Variants in CLSTN2 observed in about 807,000 individuals in gnomAD.
CLSTN2 encodes the protein calsyntenin 2.
CLSTN2 carries 48 observed loss-of-function variants against 101.2 expected under a neutral mutation model. The observed-to-expected ratio is 0.47, with a 90% CI of 0.38 to 0.60. The LOEUF is 0.60. Ranked by LOEUF, CLSTN2 falls within the 20% of genes least tolerant of loss-of-function variation. CLSTN2 has a pLI of 0.00. For synonymous variants in CLSTN2, 481 were observed against 463.6 expected, an observed-to-expected ratio of 1.04 and a Z score of -0.48; for missense variants, 1,160 against 1,238.2, an observed-to-expected ratio of 0.94 and a Z score of 0.95.
At chr3:140,177,322 G>T (rs537935816) in intron 2 of CLSTN2, among the ~76,000 whole-genome samples, 5 of 152,280 alleles carry the variant, frequency 3.3e-5, no homozygotes, top group African/African-American at 1.2e-4. Flanking sequence ...AAAAGATGAA[G>T]TATCTTCCCT....
At chr3:140,527,527 A>G (rs1271551866) in intron 8 of CLSTN2, among the ~76,000 whole-genome samples, 1 of 152,208 alleles carries the variant, frequency 6.6e-6, no homozygotes, top group African/African-American at 2.4e-5. Context: ...TTCTCAAGGA[A>G]CTTAAAACAG....
At chr3:140,441,755 C>A (rs780640138) in intron 5 of CLSTN2, among the ~76,000 whole-genome samples, 35 of 152,172 alleles carry the variant, frequency 2.3e-4, no homozygotes, top group Admixed American at 1.3e-4. Context: ...CACTCCCTTC[C>A]GCAAAGGCCT....
At chr3:140,110,043 C>A (rs929677284) in intron 1 of CLSTN2, among the ~76,000 whole-genome samples, 5 of 152,118 alleles carry the variant, frequency 3.3e-5, no homozygotes, top group African/African-American at 1.2e-4. Context: ...CAATTTTATG[C>A]CAGGTTTTGC....
intron 10 of CLSTN2, among the ~76,000 whole-genome samples, chr3:140,554,326 G>C (rs1935759390): frequency 6.6e-6 from 1 of 152,112 alleles, no homozygotes; most frequent in South Asian, 2.1e-4. Context: ...TTTCAGTCCA[G>C]ACACAGAACA....
chr3:140,182,309 AAAAGT>A (rs1023414188), intron 2 of CLSTN2, among the ~76,000 whole-genome samples: 3 of 152,098 alleles, frequency 2.0e-5, no homozygotes, highest in Non-Finnish European at 4.4e-5. Flanking sequence ...AAATTAAAAA[AAAAGT>A]AAACTAATAT....
rs1222538188 is a variant in CLSTN2, at chr3:140,419,744, TATATACAC to T, written c.638-1374_638-1367del. On this transcript the variant is annotated intron_variant, in intron 4 of 16. Coordinates refer to ENST00000458420, the MANE Select transcript of CLSTN2 (RefSeq NM_022131.3). The stretch of plus-strand genomic sequence containing the variant: ...ATACGTATATACATGTATATACGTA[TATATACAC>T]ATATACGTGTATACACGTGTATACA... Among the ~76,000 whole-genome samples, 35 of 66,458 alleles carry T rather than the reference TATATACAC, an allele frequency of 5.3e-4. 13 individuals carry two copies. Among genetic ancestry groups the T allele is most frequent in the African/African-American group, 4.8e-3 (29 of 6,088 alleles). 43.6% of individuals were successfully genotyped at this position (66,458 alleles called of 152,430 possible). A position where few individuals can be genotyped will look rare whatever the true frequency, so the allele number is the denominator to read the frequency against.
chr3:140,171,831 AACAATATATAATATAATAT>A (rs1280658232), intron 1 of CLSTN2, among the ~76,000 whole-genome samples: 7 of 74,608 alleles, frequency 9.4e-5, no homozygotes, highest in Non-Finnish European at 1.7e-4. Flanking sequence ...TATATATAAT[AACAATATATAATATAATAT>A]ATATATTATA....
intron 2 of CLSTN2, among the ~76,000 whole-genome samples, chr3:140,315,013 G>A (rs926409178): frequency 6.6e-6 from 1 of 152,200 alleles, no homozygotes; most frequent in Admixed American, 6.5e-5. Flanking sequence ...TCATTTAAAT[G>A]AGAGAGTTAG....
At chr3:140,177,862 C>T (rs1164634133) in intron 2 of CLSTN2, among the ~76,000 whole-genome samples, 2 of 152,072 alleles carry the variant, frequency 1.3e-5, no homozygotes, top group African/African-American at 4.8e-5. Context: ...CTTGATAAAT[C>T]TGAAATACAC....
At chr3:140,303,277 G>A (rs2087077851) in intron 2 of CLSTN2, among the ~76,000 whole-genome samples, 1 of 152,208 alleles carries the variant, frequency 6.6e-6, no homozygotes, top group South Asian at 2.1e-4. Context: ...GCCAAGATGT[G>A]GTCTCTCTCA....
At chr3:140,458,944 T>C (rs1933486436) in intron 6 of CLSTN2, among the ~76,000 whole-genome samples, 1 of 152,218 alleles carries the variant, frequency 6.6e-6, no homozygotes, top group African/African-American at 2.4e-5. Context: ...TCATTTGGCC[T>C]CAACAAATAT....
intron 2 of CLSTN2, among the ~76,000 whole-genome samples, chr3:140,230,005 G>T (rs560586594): frequency 1.3e-5 from 2 of 152,148 alleles, no homozygotes; most frequent in African/African-American, 4.8e-5. Flanking sequence ...TGGAATTATT[G>T]CATTCACATC....
At chr3:140,131,670 A>G (rs1218903322) in intron 1 of CLSTN2, among the ~76,000 whole-genome samples, 1 of 152,056 alleles carries the variant, frequency 6.6e-6, no homozygotes, top group Non-Finnish European at 1.5e-5. Flanking sequence ...GTTGTGTGAG[A>G]GGAGGTGGGA....
chr3:140,283,510 G>A (rs2086867707), intron 2 of CLSTN2, among the ~76,000 whole-genome samples: 1 of 152,076 alleles, frequency 6.6e-6, no homozygotes, highest in African/African-American at 2.4e-5. Flanking sequence ...TTATGGAGGG[G>A]GAATATGGAC....
At chr3:140,316,377 G>A (rs1403289272) in intron 2 of CLSTN2, among the ~76,000 whole-genome samples, 3 of 152,200 alleles carry the variant, frequency 2.0e-5, no homozygotes, top group Non-Finnish European at 4.4e-5. Context: ...TCATAGAATC[G>A]TGATCAAGTC....
intron 8 of CLSTN2, among the ~76,000 whole-genome samples, chr3:140,528,661 A>T (rs530793316): frequency 3.8e-4 from 57 of 149,272 alleles, no homozygotes; most frequent in Admixed American, 2.0e-3. Flanking sequence ...TGAATAGAGG[A>T]ATAAGAGGTT....
rs571296433 is a variant in CLSTN2 at position 140,013,407 on chromosome 3, C to T, written c.109+77924C>T. Among the ~76,000 whole-genome samples, 19 of 152,298 alleles carry T rather than the reference C, an allele frequency of 1.2e-4. 1 individual carries two copies. The highest frequency in any genetic ancestry group is 1.6e-4 in the Non-Finnish European group (11 of 68,032). On this transcript the variant is annotated intron_variant, in intron 1 of 16. Coordinates refer to ENST00000458420, the MANE Select transcript of CLSTN2 (RefSeq NM_022131.3). Reference sequence around the variant, plus strand: ...GGAGAGAAGGCCTAGCTACTTGTTCCGGCTCTTTGTTTTGGCTCACAAGGA... The same window carrying T: ...GGAGAGAAGGCCTAGCTACTTGTTCTGGCTCTTTGTTTTGGCTCACAAGGA...
chr3:140,451,485 C>A (rs1381021663), intron 6 of CLSTN2, among the ~76,000 whole-genome samples: 3 of 152,124 alleles, frequency 2.0e-5, no homozygotes, highest in Admixed American at 6.6e-5. Flanking sequence ...CACTGCCCCC[C>A]ACACCTATGG....
chr3:140,188,350 C>G (rs972044583), intron 2 of CLSTN2, among the ~76,000 whole-genome samples: 2 of 152,218 alleles, frequency 1.3e-5, no homozygotes, highest in Non-Finnish European at 2.9e-5. Context: ...TAGAAGTTCT[C>G]AGTAAATATT....
Sources: allele counts gnomAD v4.1 joint callset (sites outside exome capture counted in the v4.1 genomes callset), GRCh38; gene constraint gnomAD v4.1.1; transcripts MANE v1.5; gene names NCBI Gene and HGNC (gene_info 2026-07-23, HGNC 2026-07-21).